Variants in GRIK3 observed in about 807,000 individuals in gnomAD.
The protein encoded by GRIK3 is glutamate ionotropic receptor kainate type subunit 3, also known as glutamate receptor ionotropic, kainate 3.
GRIK3 carries 29 observed loss-of-function variants against 102.5 expected under a neutral mutation model. The ratio of observed to expected loss-of-function variants is 0.28; its 90% CI spans 0.21 to 0.39. The LOEUF (loss-of-function observed/expected upper bound fraction) is 0.39. GRIK3 is among the 10% of genes least tolerant of loss of function. The probability of loss-of-function intolerance (pLI) is 1.00; values close to 1 mark genes in which losing one functional copy is unlikely to be tolerated. For synonymous variants in GRIK3, 511 were observed against 504.9 expected (o/e 1.01, Z -0.16); for missense variants, 908 against 1,252.4 (o/e 0.73, Z 4.15).
chr1:36,832,376 G>C (rs763376450), intron 10 of GRIK3, among the ~76,000 whole-genome samples: 4 of 152,166 alleles, frequency 2.6e-5, no homozygotes, highest in Non-Finnish European at 5.9e-5. Context: ...GCACATGGCC[G>C]TTTACAAGAG....
intron 1 of GRIK3, among the ~76,000 whole-genome samples, chr1:37,009,412 C>G (rs887431896): frequency 6.6e-6 from 1 of 152,252 alleles, no homozygotes; most frequent in African/African-American, 2.4e-5. Context: ...CACCCCCAGC[C>G]CCAGATTCTC....
chr1:36,959,019 C>T lies in GRIK3; in HGVS notation c.116-67923G>A, dbSNP rs564376595. ...GAGTCTGTGCCCCGTGACTCTGTGC[C>T]CCATGAGCCTGTGTGCCCTGTGAGT... On this transcript the variant is annotated intron_variant, in intron 1 of 15. Transcript: ENST00000373091. Among the ~76,000 whole-genome samples the T allele has an allele frequency of 2.7e-5, 3 of 111,410 alleles. 1 individual carries two copies. In the East Asian group the frequency reaches 1.7e-3, roughly 64 times the overall value. 73.1% of individuals were successfully genotyped at this position (111,410 alleles called of 152,430 possible). A position where few individuals can be genotyped will look rare whatever the true frequency, so the allele number is the denominator to read the frequency against.
At chr1:36,837,480 A>G (rs1640393241) in intron 10 of GRIK3, among the ~76,000 whole-genome samples, 2 of 151,958 alleles carry the variant, frequency 1.3e-5, no homozygotes, top group Non-Finnish European at 2.9e-5. Flanking sequence ...CTGGCTGTGC[A>G]TCTACTTCCC....
intron 1 of GRIK3, among the ~76,000 whole-genome samples, chr1:37,033,591 G>A (rs1270961752): frequency 6.6e-6 from 1 of 152,226 alleles, no homozygotes; most frequent in African/African-American, 2.4e-5. Context: ...GAGTGAGGTG[G>A]GCAGAGGAGA....
At chr1:36,954,230 C>G (rs573633975) in intron 1 of GRIK3, among the ~76,000 whole-genome samples, 16 of 152,330 alleles carry the variant, frequency 1.1e-4, no homozygotes, top group South Asian at 6.2e-4. Context: ...CTCTCTCTAG[C>G]ACACCTTACA....
rs372580680 is a variant in GRIK3, at chr1:36,990,525, G to C, written c.115+43469C>G. ...CAAGAAGTTCTGGAAAAGCATTTGG[G>C]CTCCTGAAGGGCTCCACCCCAGACT... On this transcript the variant is annotated intron_variant, in intron 1 of 15. Coordinates refer to ENST00000373091, the MANE Select transcript of GRIK3 (RefSeq NM_000831.4). Among the ~76,000 whole-genome samples, 7 of 152,300 alleles carry C rather than the reference G, an allele frequency of 4.6e-5. No individual in the cohort carries two copies. The South Asian group carries it at 1.2e-3, about 27-fold the overall frequency.
At chr1:36,996,825 G>A (rs1642425047) in intron 1 of GRIK3, among the ~76,000 whole-genome samples, 1 of 152,206 alleles carries the variant, frequency 6.6e-6, no homozygotes, top group African/African-American at 2.4e-5. Flanking sequence ...AGGATGTTGG[G>A]CTGGCGCCTC....
intron 1 of GRIK3, among the ~76,000 whole-genome samples, chr1:36,906,057 A>C (rs1408166607): frequency 6.6e-6 from 1 of 152,168 alleles, no homozygotes; most frequent in Non-Finnish European, 1.5e-5. Context: ...TCCTATATAA[A>C]ACAGCTCCAT....
chr1:36,858,480 A>G (rs1423186343), intron 7 of GRIK3, among the ~76,000 whole-genome samples: 2 of 152,220 alleles, frequency 1.3e-5, no homozygotes, highest in African/African-American at 4.8e-5. Flanking sequence ...TGTGTGTTCC[A>G]TGGTCTAGGC....
At chr1:37,002,249 G>T (rs529745346) in intron 1 of GRIK3, among the ~76,000 whole-genome samples, 1 of 152,202 alleles carries the variant, frequency 6.6e-6, no homozygotes, top group South Asian at 2.1e-4. Flanking sequence ...ATTTACTGGG[G>T]GCATACTAAA....
At chr1:36,996,283 C>T (rs1013196098) in intron 1 of GRIK3, among the ~76,000 whole-genome samples, 4 of 152,252 alleles carry the variant, frequency 2.6e-5, no homozygotes, top group African/African-American at 9.6e-5. Context: ...GCTAATCACG[C>T]CTAATCCACC....
intron 1 of GRIK3, among the ~76,000 whole-genome samples, chr1:36,919,706 T>G (rs1419216947): frequency 2.6e-5 from 4 of 152,234 alleles, no homozygotes; most frequent in Admixed American, 1.3e-4. Context: ...TGTGCCCGGC[T>G]GTCAGTGGAC....
intron 1 of GRIK3, among the ~76,000 whole-genome samples, chr1:36,939,221 C>T (rs982768441): frequency 3.9e-5 from 6 of 152,320 alleles, no homozygotes; most frequent in Admixed American, 6.5e-5. Context: ...CCAGAGGGAG[C>T]GGGGCGGAGA....
At chr1:36,973,188 C>G (rs1364365023) in intron 1 of GRIK3, among the ~76,000 whole-genome samples, 1 of 152,180 alleles carries the variant, frequency 6.6e-6, no homozygotes, top group Non-Finnish European at 1.5e-5. Context: ...ACAGAGGCCA[C>G]CAGGGCCCTG....
chr1:36,937,453 G>A (rs1289600650), intron 1 of GRIK3, among the ~76,000 whole-genome samples: 3 of 152,178 alleles, frequency 2.0e-5, no homozygotes, highest in Non-Finnish European at 4.4e-5. Flanking sequence ...CAGCCTGTGA[G>A]CTATTTCTCA....
chr1:36,993,391 T>C (rs1642383171), intron 1 of GRIK3, among the ~76,000 whole-genome samples: 1 of 152,102 alleles, frequency 6.6e-6, no homozygotes, highest in Non-Finnish European at 1.5e-5. Context: ...GCCTCCTGAG[T>C]TGCTGGGACT....
chr1:36,858,785 T>A (rs1358189602), intron 7 of GRIK3, among the ~76,000 whole-genome samples: 7 of 152,194 alleles, frequency 4.6e-5, no homozygotes, highest in African/African-American at 1.7e-4. Flanking sequence ...AGCAAGGCTC[T>A]CCAGCTCGCC....
At chr1:37,028,563 T>C (rs1168100513) in intron 1 of GRIK3, among the ~76,000 whole-genome samples, 2 of 152,088 alleles carry the variant, frequency 1.3e-5, no homozygotes, top group African/African-American at 4.8e-5. Flanking sequence ...TTCAGAGTGG[T>C]AGAGCCCAGA....
At chr1:36,841,433 G>C (rs1366840521) in intron 10 of GRIK3, among the ~76,000 whole-genome samples, 1 of 152,194 alleles carries the variant, frequency 6.6e-6, no homozygotes, top group Non-Finnish European at 1.5e-5. Context: ...GAAGCCACAG[G>C]CCTCCTCCAG....
Sources: gnomAD v4.1 joint callset for allele counts (sites outside exome capture counted in the v4.1 genomes callset) on GRCh38, gnomAD v4.1.1 for gene constraint, MANE v1.5 for transcripts, NCBI Gene and HGNC (gene_info 2026-07-23, HGNC 2026-07-21) for gene names.